CGNL1: variants seen among roughly 807,000 people sequenced by gnomAD.
The protein encoded by CGNL1 is cingulin-like protein 1.
A neutral mutation model predicts 141.2 loss-of-function variants in CGNL1; 132 were observed. The ratio of observed to expected loss-of-function variants is 0.93; its 90% CI spans 0.81 to 1.08. The LOEUF is 1.08. Ranked by LOEUF, CGNL1 falls within the 50% of genes least tolerant of loss-of-function variation. CGNL1 has a pLI of 0.00. For missense variants in CGNL1, 1,870 were observed against 1,588.6 expected, an observed-to-expected ratio of 1.18 and a Z score of -3.01; for synonymous variants, 690 against 622.1, an observed-to-expected ratio of 1.11 and a Z score of -1.63.
chr15:57,473,986 T>C (rs2063618562), intron 8 of CGNL1, among the ~76,000 whole-genome samples: 1 of 145,312 alleles, frequency 6.9e-6, no homozygotes, highest in African/African-American at 2.5e-5. Flanking sequence ...CTTGGCTCAG[T>C]TGCAACCTCT....
intron 14 of CGNL1, among the ~76,000 whole-genome samples, chr15:57,533,880 T>TC (rs745925413): frequency 6.6e-6 from 1 of 152,190 alleles, no homozygotes; most frequent in Non-Finnish European, 1.5e-5. Flanking sequence ...GGACTTGAAG[T>TC]AAGTCCAGGG....
intron 8 of CGNL1, chr15:57,477,592 G>T (rs1428532092): frequency 1.3e-5 from 2 of 152,226 alleles, no homozygotes; most frequent in East Asian, 3.9e-4. Context: ...CATGCTCTCT[G>T]ATTTACAGGG....
At chr15:57,540,954 T>C (rs1414992857) in intron 14 of CGNL1, among the ~76,000 whole-genome samples, 1 of 152,216 alleles carries the variant, frequency 6.6e-6, no homozygotes, top group Admixed American at 6.5e-5. Flanking sequence ...AAACTCCTAA[T>C]GGTTGAGAGA....
intron 8 of CGNL1, among the ~76,000 whole-genome samples, chr15:57,488,342 CA>C (rs1204316783): frequency 1.3e-5 from 2 of 152,174 alleles, no homozygotes; most frequent in Non-Finnish European, 2.9e-5. Flanking sequence ...TCCCCTTCTT[CA>C]GATTGTCTTT....
Position 57,439,323 on chromosome 15 carries a change from C to A in CGNL1, c.1324C>A (p.Arg442Ser), listed in dbSNP as rs1319081593. 1 of 1,614,074 alleles carries A rather than the reference C, an allele frequency of 6.2e-7. No homozygotes were observed. The highest frequency in any genetic ancestry group is 8.5e-7 in the Non-Finnish European group (1 of 1,180,036). Residue 442 changes from arginine to serine, a missense_variant, in exon 2 of 19, where the codon CGC (arginine) becomes AGC (serine). Physicochemically the swap from Arg to Ser is moderately radical, Grantham distance 110 (BLOSUM62 -1). Transcript: ENST00000281282. Reference sequence around the variant, plus strand: ...GCGCCGTGGGAAACAGAGCGTGGGCCGCACCTTTGCAAAGCTGCAGGGAGC... The same window carrying A: ...GCGCCGTGGGAAACAGAGCGTGGGCAGCACCTTTGCAAAGCTGCAGGGAGC... ...QERRGKQSVG[R>S]TFAKLQGAAH...
chr15:57,520,504 C>G (rs1293593515), intron 10 of CGNL1, among the ~76,000 whole-genome samples: 1 of 152,192 alleles, frequency 6.6e-6, no homozygotes, highest in Non-Finnish European at 1.5e-5. Flanking sequence ...TAAAAAGTAG[C>G]AGAGGGGCAT....
chr15:57,541,626 T>C (rs2032569937), intron 14 of CGNL1, among the ~76,000 whole-genome samples: 1 of 152,202 alleles, frequency 6.6e-6, no homozygotes, highest in Non-Finnish European at 1.5e-5. Flanking sequence ...CTAAGGAGGC[T>C]GGACTGCCCT....
At chr15:57,393,505 G>T (rs1192254126) in intron 1 of CGNL1, among the ~76,000 whole-genome samples, 2 of 152,094 alleles carry the variant, frequency 1.3e-5, no homozygotes, top group Admixed American at 1.3e-4. Flanking sequence ...TACCTTTTCA[G>T]TGTGTGTGTG....
intron 4 of CGNL1, among the ~76,000 whole-genome samples, chr15:57,446,343 T>A (rs2063251213): frequency 6.6e-6 from 1 of 152,220 alleles, no homozygotes; most frequent in South Asian, 2.1e-4. Context: ...CCAGGTTTCC[T>A]GGGTTTCCTG....
At chr15:57,537,115 C>A (rs941012136) in intron 14 of CGNL1, among the ~76,000 whole-genome samples, 7 of 152,208 alleles carry the variant, frequency 4.6e-5, no homozygotes, top group African/African-American at 1.7e-4. Context: ...CACAGCAGAG[C>A]TGGGCCTACA....
At chr15:57,499,201 G>T in intron 8 of CGNL1, among the ~76,000 whole-genome samples, 1 of 149,946 alleles carries the variant, frequency 6.7e-6, no homozygotes. Flanking sequence ...AGAAAGAACT[G>T]AGATAAACTT....
intron 1 of CGNL1, among the ~76,000 whole-genome samples, chr15:57,398,987 T>C (rs1355051548): frequency 6.6e-6 from 1 of 152,230 alleles, no homozygotes; most frequent in Non-Finnish European, 1.5e-5. Context: ...AGTTGGCACA[T>C]AATTGTACAT....
chr15:57,462,551 C>A (rs1384045139), intron 8 of CGNL1, among the ~76,000 whole-genome samples: 1 of 152,030 alleles, frequency 6.6e-6, no homozygotes, highest in Non-Finnish European at 1.5e-5. Flanking sequence ...AAATGTCATG[C>A]CATCTTTAGG....
intron 1 of CGNL1, among the ~76,000 whole-genome samples, chr15:57,434,699 C>A (rs1044589940): frequency 2.0e-5 from 3 of 152,084 alleles, no homozygotes; most frequent in Admixed American, 6.6e-5. Context: ...TTAAAAACAT[C>A]CTTGGAAGCT....
intron 1 of CGNL1, among the ~76,000 whole-genome samples, chr15:57,379,131 G>T (rs1013811984): frequency 2.6e-5 from 4 of 152,064 alleles, no homozygotes; most frequent in Non-Finnish European, 2.9e-5. Flanking sequence ...TCCAAATCTT[G>T]TCTCAATTGG....
At chr15:57,526,147 A>AT (rs1168746050) in intron 12 of CGNL1, among the ~76,000 whole-genome samples, 1 of 151,862 alleles carries the variant, frequency 6.6e-6, no homozygotes, top group Non-Finnish European at 1.5e-5. Flanking sequence ...GATGGAGACC[A>AT]GTATTGTTTA....
chr15:57,531,915 C>CATCA, intron 14 of CGNL1, 136 bp downstream of exon 14: 2 of 620,004 alleles, frequency 3.2e-6, no homozygotes, highest in Non-Finnish European at 5.8e-6. Flanking sequence ...ATTGAATAGT[C>CATCA]ATCACCATAG....
chr15:57,384,100 G>A (rs1311581201), intron 1 of CGNL1, among the ~76,000 whole-genome samples: 1 of 151,514 alleles, frequency 6.6e-6, no homozygotes, highest in Non-Finnish European at 1.5e-5. Flanking sequence ...AAGGTAGGGT[G>A]AAGGGAGAGG....
intron 6 of CGNL1, among the ~76,000 whole-genome samples, chr15:57,452,910 AG>A (rs1204061137): frequency 6.6e-6 from 1 of 152,232 alleles, no homozygotes; most frequent in Non-Finnish European, 1.5e-5. Flanking sequence ...CAAGAAAAAG[AG>A]GACATTATAT....
Sources: gnomAD v4.1 joint callset for allele counts (sites outside exome capture counted in the v4.1 genomes callset) on GRCh38, gnomAD v4.1.1 for gene constraint, MANE v1.5 for transcripts, NCBI Gene and HGNC (gene_info 2026-07-23, HGNC 2026-07-21) for gene names.